Variants in SLC7A9 observed in about 807,000 individuals in gnomAD.
SLC7A9 encodes the protein solute carrier family 7 member 9.
SLC7A9 carries 38 observed loss-of-function variants against 54.1 expected under a neutral mutation model. That is an observed-to-expected ratio of 0.70 (90% CI 0.54 to 0.92). SLC7A9 has a LOEUF of 0.92. SLC7A9 is among the 40% of genes least tolerant of loss of function. The pLI, the probability that SLC7A9 is intolerant of heterozygous loss-of-function variation, is 0.00. For missense variants in SLC7A9, 537 were observed against 636.1 expected (o/e 0.84, Z 1.68); for synonymous variants, 264 against 258.9 (o/e 1.02, Z -0.19).
Position 32,864,265 on chromosome 19 carries a change from G to A in SLC7A9, c.309C>T (p.Ala103=). ...SGGEYPYLME[A]YGPIPAYLFS... is the part of the protein sequence containing the mutation. ...AGAGGTAGGCGGGGATGGGCCCGTA[G>A]GCCTCCATCAGGTAGGGATACTCTC... The change falls in exon 4 of 13, where the codon GCC becomes GCT. Residue 103 remains alanine (A), a synonymous_variant. Coordinates refer to ENST00000023064, the MANE Select transcript of SLC7A9 (RefSeq NM_014270.5). 6.2e-7 allele frequency: 1 copy of A among 1,614,146 alleles called. No homozygotes were observed. The highest frequency in any genetic ancestry group is 1.1e-5 in the South Asian group (1 of 91,080).
chr19:32,865,995 G>T (rs1170072723), intron 2 of SLC7A9, among the ~76,000 whole-genome samples: 1 of 150,592 alleles, frequency 6.6e-6, no homozygotes, highest in Non-Finnish European at 1.5e-5. Context: ...TACACTGTAT[G>T]TAAATTACAC....
chr19:32,862,617 T>A (rs751325468), intron 4 of SLC7A9, 31 bp from the exon 5 acceptor site: 4 of 1,612,388 alleles, frequency 2.5e-6, no homozygotes, highest in Non-Finnish European at 2.5e-6. Context: ...TCTGCATTTA[T>A]GGTTTTCAGC....
At chr19:32,869,279 G>A (rs1395182267) in intron 1 of SLC7A9, among the ~76,000 whole-genome samples, 1 of 152,052 alleles carries the variant, frequency 6.6e-6, no homozygotes, top group Non-Finnish European at 1.5e-5. Context: ...GTATTTATCA[G>A]AATCAAGTCC....
At chr19:32,856,979 C>T (rs1050919823) in intron 9 of SLC7A9, among the ~76,000 whole-genome samples, 4 of 151,968 alleles carry the variant, frequency 2.6e-5, no homozygotes, top group African/African-American at 9.7e-5. Context: ...GGTGAAACTC[C>T]GTCTCTACTA....
intron 11 of SLC7A9, among the ~76,000 whole-genome samples, chr19:32,837,460 C>T (rs941670727): frequency 1.4e-5 from 2 of 141,614 alleles, no homozygotes; most frequent in African/African-American, 5.2e-5. Context: ...CACCACTGCA[C>T]TCCAGCCTGG....
At chr19:32,845,874 G>A (rs935671867) in intron 9 of SLC7A9, among the ~76,000 whole-genome samples, 2 of 152,036 alleles carry the variant, frequency 1.3e-5, no homozygotes, top group Admixed American at 1.3e-4. Context: ...TGTGATGGCA[G>A]GTGCCTATAA....
At chr19:32,865,958 CA>C (rs34667172) in intron 2 of SLC7A9, among the ~76,000 whole-genome samples, 56,776 of 119,034 alleles carry the variant, frequency 0.48, 11,559 homozygotes, top group East Asian at 0.68. Flanking sequence ...GAGACTGTCT[CA>C]AAAAAAAAAA....
chr19:32,833,135 C>T lies in SLC7A9; in HGVS notation c.1399+14G>A. The T allele has an allele frequency of 6.2e-7, 1 of 1,613,920 alleles. No homozygotes were observed. Among genetic ancestry groups the T allele is most frequent in the South Asian group, 1.1e-5 (1 of 91,066 alleles). On this transcript the variant is annotated intron_variant, in intron 12 of 12. Coordinates refer to ENST00000023064, the MANE Select transcript of SLC7A9 (RefSeq NM_014270.5). ...ACCTCACAGAGGCCAAGCGGCCCTT[C>T]TGTTGGTACTTACTTGAGATTTTCT...
chr19:32,844,499 T>A (rs532583932), intron 9 of SLC7A9, among the ~76,000 whole-genome samples: 13 of 152,168 alleles, frequency 8.5e-5, no homozygotes, highest in Admixed American at 8.5e-4. Context: ...GCCTCTGGTA[T>A]CCTCTGGCTA....
intron 9 of SLC7A9, among the ~76,000 whole-genome samples, chr19:32,849,833 A>G (rs1463303539): frequency 2.0e-5 from 3 of 151,010 alleles, no homozygotes; most frequent in Non-Finnish European, 4.5e-5. Context: ...CTTATCCACC[A>G]TGATCAAGTG....
chr19:32,832,747 A>C, intron 12 of SLC7A9: 1 of 232,968 alleles, frequency 4.3e-6, no homozygotes, highest in Non-Finnish European at 8.6e-6. Flanking sequence ...CTCCTTCTCT[A>C]CAAAAAGTAA....
At chr19:32,849,845 G>A (rs1250655380) in intron 9 of SLC7A9, among the ~76,000 whole-genome samples, 272 of 150,712 alleles carry the variant, frequency 1.8e-3, no homozygotes, top group Non-Finnish European at 3.4e-3. Flanking sequence ...GATCAAGTGG[G>A]CTTCATCCCT....
intron 7 of SLC7A9, 179 bp downstream of exon 7, chr19:32,860,427 C>T (rs1042439966): frequency 7.2e-7 from 1 of 1,388,644 alleles, no homozygotes; most frequent in African/African-American, 1.5e-5. Context: ...GCTGAGATTG[C>T]ACCACTGCAC....
Position 32,864,276 on chromosome 19 carries a change from G to C in SLC7A9, c.298C>G (p.Leu100Val). ...GGGATGGGCCCGTAGGCCTCCATCA[G>C]GTAGGGATACTCTCCCCCTGACTTG... Reference protein sequence around the residue: ...ITKSGGEYPYLMEAYGPIPAY... With the variant: ...ITKSGGEYPYVMEAYGPIPAY... The change falls in exon 4 of 13, where the codon CTG becomes GTG. Residue 100 changes from leucine to valine, a missense_variant. By Grantham distance (32) the Leu-to-Val change is conservative. Transcript: ENST00000023064. The C allele has an allele frequency of 6.2e-7, 1 of 1,614,104 alleles. No individual in the cohort carries two copies. Among genetic ancestry groups the C allele is most frequent in the African/African-American group, 1.3e-5 (1 of 75,050 alleles).
chr19:32,856,201 T>G (rs1275193968), intron 9 of SLC7A9, among the ~76,000 whole-genome samples: 1 of 151,552 alleles, frequency 6.6e-6, no homozygotes, highest in Non-Finnish European at 1.5e-5. Context: ...AGTGGTTTTT[T>G]TTTTTTTTTC....
intron 11 of SLC7A9, among the ~76,000 whole-genome samples, chr19:32,838,368 GCTAATATATTATAA>G (rs1221374855): frequency 6.6e-6 from 1 of 150,816 alleles, no homozygotes; most frequent in Non-Finnish European, 1.5e-5. Context: ...AACTATTATA[GCTAATATATTATAA>G]CTAATATATT....
chr19:32,835,873 T>C lies in SLC7A9; in HGVS notation c.1225-2550A>G, dbSNP rs114544925. 5.8e-3 allele frequency among the ~76,000 whole-genome samples: 875 copies of C among 151,588 alleles called. 9 individuals are homozygous for C. The highest frequency in any genetic ancestry group is 0.02 in the African/African-American group (824 of 41,242). On this transcript the variant is annotated intron_variant, in intron 11 of 12. Coordinates refer to ENST00000023064, the MANE Select transcript of SLC7A9 (RefSeq NM_014270.5). ...ATGTCCTGTCATCATTACTGCTATT[T>C]CTAGGAATTTATGTACTGTGTGTGT...
chr19:32,867,627 C>T (rs1338272162), intron 2 of SLC7A9, among the ~76,000 whole-genome samples: 2 of 152,006 alleles, frequency 1.3e-5, no homozygotes, highest in East Asian at 3.9e-4. Context: ...GCTCAACACA[C>T]AAAAGCACCT....
intron 11 of SLC7A9, among the ~76,000 whole-genome samples, chr19:32,836,427 A>T (rs371464475): frequency 1.3e-5 from 2 of 151,846 alleles, no homozygotes. Context: ...TCTTTTATCA[A>T]TTTCCTGTTT....
Sources: gnomAD v4.1 joint callset for allele counts (sites outside exome capture counted in the v4.1 genomes callset) on GRCh38, gnomAD v4.1.1 for gene constraint, MANE v1.5 for transcripts, NCBI Gene and HGNC (gene_info 2026-07-23, HGNC 2026-07-21) for gene names.